MYH16: variants seen among roughly 807,000 people sequenced by gnomAD.
MYH16 encodes myosin heavy chain 16.
At chr7:99,244,835 G>A (rs945839196) in intron 2 of MYH16, among the ~76,000 whole-genome samples, 9 of 152,204 alleles carry the variant, frequency 5.9e-5, no homozygotes, top group South Asian at 2.1e-4. Flanking sequence ...CTCAGGACCA[G>A]GGCTTACCTG....
intron 20 of MYH16, among the ~76,000 whole-genome samples, chr7:99,273,795 AGG>A (rs1026454731): frequency 6.6e-6 from 1 of 151,532 alleles, no homozygotes; most frequent in African/African-American, 2.4e-5. Context: ...GAGGAAAGGA[AGG>A]GAGAGAGGAA....
chr7:99,243,190 TG>T (rs1376886753), intron 1 of MYH16: 2 of 152,738 alleles, frequency 1.3e-5, no homozygotes, highest in Non-Finnish European at 2.9e-5. Context: ...CTCCATCTCC[TG>T]GGACTCCAGA....
intron 20 of MYH16, among the ~76,000 whole-genome samples, chr7:99,275,366 A>G (rs1383654721): frequency 6.6e-6 from 1 of 152,080 alleles, no homozygotes; most frequent in Non-Finnish European, 1.5e-5. Context: ...TCCTGATCTC[A>G]AGTGATCCTC....
At chr7:99,239,381 G>T (rs1045083005) in intron 1 of MYH16, among the ~76,000 whole-genome samples, 16 of 152,344 alleles carry the variant, frequency 1.1e-4, no homozygotes, top group African/African-American at 3.8e-4. Context: ...ATGAGAGTGA[G>T]CATGTCACTT....
chr7:99,247,657 C>T (rs1382084640), exon 3 of MYH16: 5 of 189,102 alleles, frequency 2.6e-5, no homozygotes, highest in Non-Finnish European at 4.6e-5. Flanking sequence ...CTACGGGGCC[C>T]GTGTGGCTAA....
intron 13 of MYH16, chr7:99,261,988 G>A (rs543038856): frequency 2.0e-5 from 3 of 152,238 alleles, no homozygotes; most frequent in Admixed American, 6.5e-5. Flanking sequence ...AAAATTCCAC[G>A]AGCCCATTAA....
chr7:99,242,903 A>G (rs1791681676), intron 1 of MYH16, among the ~76,000 whole-genome samples: 1 of 152,218 alleles, frequency 6.6e-6, no homozygotes, highest in African/African-American at 2.4e-5. Context: ...ATCAAAGAAT[A>G]AGCTCTGATC....
At chr7:99,284,785 C>A (rs780051602) in intron 25 of MYH16, 60 bp from the exon 8 acceptor site, 65 of 453,158 alleles carry the variant, frequency 1.4e-4, no homozygotes, top group Admixed American at 2.6e-4. Context: ...GACATTCCCT[C>A]GCCAGCTTGC....
In MYH16 at chr7:99,284,023, GT is replaced by G. The variant is rs1792241551; in HGVS notation, n.3225+6del. On this transcript the variant is annotated splice_donor_region_variant and intron_variant and non_coding_transcript_variant, in intron 25 of 41. Coordinates refer to ENST00000439784, the Ensembl canonical transcript of MYH16. Reference sequence around the variant, plus strand: ...TCTCGAGGAGGTGGTGAAAAAGTATGTCTTGTCGTCGTTCGTTTTGTCCATC... The same window carrying G: ...TCTCGAGGAGGTGGTGAAAAAGTATGCTTGTCGTCGTTCGTTTTGTCCATC... 2.2e-6 allele frequency: 1 copy of G among 446,120 alleles called. No individual in the cohort carries two copies. Among genetic ancestry groups the G allele is most frequent in the Non-Finnish European group, 4.5e-6 (1 of 222,412 alleles). The allele number at this position is 446,120 out of a possible 1,614,324, so 27.6% of individuals were successfully genotyped here. A position where few individuals can be genotyped will look rare whatever the true frequency, so the allele number is the denominator to read the frequency against.
At chr7:99,271,689 C>T (rs1025216216) in intron 19 of MYH16, among the ~76,000 whole-genome samples, 2 of 152,096 alleles carry the variant, frequency 1.3e-5, no homozygotes, top group African/African-American at 4.8e-5. Flanking sequence ...ACTGGGATAT[C>T]CATCGCCTTA....
chr7:99,258,581 A>G (rs952488591), intron 11 of MYH16, among the ~76,000 whole-genome samples: 7 of 152,192 alleles, frequency 4.6e-5, no homozygotes, highest in African/African-American at 1.7e-4. Flanking sequence ...GTATGGTGCC[A>G]AGTCATAAAG....
chr7:99,270,768 C>T (rs1260537226), intron 18 of MYH16, among the ~76,000 whole-genome samples: 2 of 152,058 alleles, frequency 1.3e-5, no homozygotes, highest in African/African-American at 4.8e-5. Context: ...CCTGTAGTCT[C>T]AGCTACTTGG....
chr7:99,252,783 C>A (rs1791825794), intron 6 of MYH16: 2 of 154,512 alleles, frequency 1.3e-5, no homozygotes, highest in Non-Finnish European at 2.9e-5. Flanking sequence ...CGACCTCCCT[C>A]CTGATCCCTC....
intron 41 of MYH16, among the ~76,000 whole-genome samples, chr7:99,306,256 T>C (rs1203823501): frequency 6.6e-6 from 1 of 152,034 alleles, no homozygotes; most frequent in Non-Finnish European, 1.5e-5. Context: ...AGGCCAGGCA[T>C]GGTGGCTCAT....
intron 38 of MYH16, among the ~76,000 whole-genome samples, chr7:99,302,236 G>C (rs1420415976): frequency 2.0e-5 from 3 of 150,454 alleles, no homozygotes; most frequent in Non-Finnish European, 4.4e-5. Flanking sequence ...CCCGGGAGGC[G>C]GAAGTTGCAG....
At chr7:99,264,761 C>T (rs1355987324) in intron 15 of MYH16, among the ~76,000 whole-genome samples, 2 of 152,178 alleles carry the variant, frequency 1.3e-5, no homozygotes, top group Admixed American at 6.5e-5. Flanking sequence ...ATTAGGGAAG[C>T]TAACAGTGGA....
chr7:99,294,989 T>C (rs759847910), intron 33 of MYH16, among the ~76,000 whole-genome samples: 2 of 152,150 alleles, frequency 1.3e-5, no homozygotes, highest in Non-Finnish European at 2.9e-5. Flanking sequence ...CAGTGAGCTA[T>C]GACTGCACCA....
intron 15 of MYH16, among the ~76,000 whole-genome samples, chr7:99,264,931 T>C (rs1192096075): frequency 6.6e-6 from 1 of 152,232 alleles, no homozygotes; most frequent in Non-Finnish European, 1.5e-5. Context: ...CTTTCTGCAA[T>C]GATGAAACGT....
intron 12 of MYH16, chr7:99,260,456 G>GTATGA (rs1791926659): frequency 2.0e-6 from 1 of 504,194 alleles, no homozygotes; most frequent in East Asian, 3.9e-5. Flanking sequence ...ACCTTCCTTG[G>GTATGA]TATGACCTCT....
Sources: allele counts gnomAD v4.1 joint callset (sites outside exome capture counted in the v4.1 genomes callset), GRCh38; gene constraint gnomAD v4.1.1; transcripts MANE v1.5; gene names NCBI Gene and HGNC (gene_info 2026-07-23, HGNC 2026-07-21).